The following CNIH3 variants were observed in gnomAD, a reference collection of about 807,000 sequenced individuals.
CNIH3 encodes the protein cornichon family AMPA receptor auxiliary protein 3.
In CNIH3, 14 loss-of-function variants were observed where a neutral mutation model predicts 24.1. The ratio of observed to expected loss-of-function variants is 0.58; its 90% CI spans 0.38 to 0.91. The LOEUF is 0.91. CNIH3 is among the 40% of genes least tolerant of loss of function. The pLI, the probability that CNIH3 is intolerant of heterozygous loss-of-function variation, is 0.00. For missense variants in CNIH3, 178 were observed against 196.8 expected, an observed-to-expected ratio of 0.90 and a Z score of 0.57; for synonymous variants, 68 against 73.8, an observed-to-expected ratio of 0.92 and a Z score of 0.40.
intron 2 of CNIH3, among the ~76,000 whole-genome samples, chr1:224,522,305 G>T (rs1396835652): frequency 6.6e-6 from 1 of 152,204 alleles, no homozygotes; most frequent in Non-Finnish European, 1.5e-5. Context: ...TGGAAAAAAT[G>T]AGTTCTCTGT....
intron 1 of CNIH3, among the ~76,000 whole-genome samples, chr1:224,470,857 C>T (rs375814261): frequency 5.3e-5 from 8 of 151,982 alleles, no homozygotes; most frequent in African/African-American, 1.7e-4. Context: ...ATGGTGTACA[C>T]GAGCTATTTT....
chr1:224,435,161 C>T, intron 1 of CNIH3: 1 of 986,164 alleles, frequency 1.0e-6, no homozygotes, highest in Non-Finnish European at 1.2e-6. Context: ...CGCGGAGGGA[C>T]TGCACCTTCT....
intron 3 of CNIH3, among the ~76,000 whole-genome samples, chr1:224,708,896 C>G (rs1019063960): frequency 6.6e-6 from 1 of 152,172 alleles, no homozygotes; most frequent in Non-Finnish European, 1.5e-5. Flanking sequence ...TCATTTGACT[C>G]ATTTAATATT....
At chr1:224,526,564 A>AT (rs1678855321) in intron 2 of CNIH3, among the ~76,000 whole-genome samples, 1 of 151,960 alleles carries the variant, frequency 6.6e-6, no homozygotes, top group South Asian at 2.1e-4. Flanking sequence ...TTATTTATTT[A>AT]TTTTTTGCAA....
intron 2 of CNIH3, among the ~76,000 whole-genome samples, chr1:224,532,109 A>G (rs1282204078): frequency 6.6e-6 from 1 of 152,178 alleles, no homozygotes; most frequent in Non-Finnish European, 1.5e-5. Context: ...AAGACAAAAT[A>G]GAGGAGGGTA....
chr1:224,646,075 A>G (rs2125098555), intron 1 of CNIH3, among the ~76,000 whole-genome samples: 2 of 152,328 alleles, frequency 1.3e-5, no homozygotes, highest in South Asian at 4.1e-4. Context: ...TATGTGTTAT[A>G]AAGAGTTAGA....
intron 4 of CNIH3, among the ~76,000 whole-genome samples, chr1:224,576,359 C>G (rs927885994): frequency 6.6e-6 from 1 of 152,116 alleles, no homozygotes; most frequent in East Asian, 1.9e-4. Flanking sequence ...ATAGTAAAAG[C>G]GAAGAGCTTG....
At chr1:224,680,789 C>G (rs967105137) in intron 1 of CNIH3, among the ~76,000 whole-genome samples, 169 bp from the exon 2 acceptor site, 9 of 152,132 alleles carry the variant, frequency 5.9e-5, no homozygotes, top group African/African-American at 2.2e-4. Context: ...TATAATCAAC[C>G]CCATGTGCTT....
At chr1:224,463,512 G>A (rs908573212) in intron 1 of CNIH3, among the ~76,000 whole-genome samples, 2 of 150,722 alleles carry the variant, frequency 1.3e-5, no homozygotes, top group Non-Finnish European at 3.0e-5. Flanking sequence ...AGGTTCAAGC[G>A]ATGCTTTTGC....
chr1:224,624,732 T>C (rs1204049167), intron 1 of CNIH3, among the ~76,000 whole-genome samples: 1 of 152,214 alleles, frequency 6.6e-6, no homozygotes, highest in African/African-American at 2.4e-5. Flanking sequence ...GATCCTTCCA[T>C]GTTATTCCCA....
chr1:224,696,656 G>C (rs1029110171), intron 3 of CNIH3, among the ~76,000 whole-genome samples: 2 of 152,196 alleles, frequency 1.3e-5, no homozygotes, highest in African/African-American at 4.8e-5. Context: ...GCTGGCTGTT[G>C]GCTTTGATGG....
chr1:224,535,063 A>G (rs712076), intron 2 of CNIH3, among the ~76,000 whole-genome samples: 35,858 of 152,114 alleles, frequency 0.24, 4,839 homozygotes, highest in African/African-American at 0.35. Context: ...GATATGTTGA[A>G]GTCCTAACCC....
At position 224,584,783 on chromosome 1, in the gene CNIH3, T is replaced by C. The variant is rs115254355; in HGVS notation, n.620+1516T>C. 1.3e-4 allele frequency among the ~76,000 whole-genome samples: 20 copies of C among 152,354 alleles called. 1 individual carries two copies. The highest frequency in any genetic ancestry group is 7.7e-4 in the East Asian group (4 of 5,188). ...TTCCAGTTTGTGGCCTAGTTGACTA[T>C]GTAGTGTTTTCCCCAGACTTAGTGT... is the stretch of plus-strand genomic sequence containing the variant. On this transcript the variant is annotated intron_variant and non_coding_transcript_variant, in intron 5 of 5. Coordinates refer to the CNIH3 transcript ENST00000471578.
intron 1 of CNIH3, among the ~76,000 whole-genome samples, chr1:224,628,115 C>A (rs1000876256): frequency 1.3e-5 from 2 of 151,976 alleles, no homozygotes; most frequent in Non-Finnish European, 2.9e-5. Context: ...CTTAGCCCAC[C>A]CTGTCAAGTT....
At chr1:224,615,295 A>G (rs1682903039), upstream of CNIH3, 1 of 151,614 alleles carries the variant, frequency 6.6e-6, no homozygotes, top group Non-Finnish European at 1.5e-5. Context: ...CTTTCAGGGT[A>G]TTTTTCCTTG....
intron 1 of CNIH3, among the ~76,000 whole-genome samples, chr1:224,508,033 C>T (rs1046551612): frequency 1.3e-5 from 2 of 152,188 alleles, no homozygotes; most frequent in South Asian, 4.1e-4. Context: ...GGCCATCTGC[C>T]ATGCCAGAGT....
chr1:224,526,964 A>G (rs1003444853), intron 2 of CNIH3, among the ~76,000 whole-genome samples: 2 of 152,190 alleles, frequency 1.3e-5, no homozygotes, highest in Non-Finnish European at 2.9e-5. Flanking sequence ...ACGAGGAAGC[A>G]CTAAGCCATT....
chr1:224,648,822 A>G (rs1684739455), intron 1 of CNIH3, among the ~76,000 whole-genome samples: 1 of 152,208 alleles, frequency 6.6e-6, no homozygotes, highest in South Asian at 2.1e-4. Flanking sequence ...CCTTCCTGGT[A>G]GGACAAGAGC....
chr1:224,670,769 C>G (rs1037632647), intron 1 of CNIH3, among the ~76,000 whole-genome samples: 5 of 152,206 alleles, frequency 3.3e-5, no homozygotes, highest in Non-Finnish European at 7.3e-5. Context: ...CCCACCAAGC[C>G]CCACTGGCCA....
Sources: allele counts gnomAD v4.1 joint callset (sites outside exome capture counted in the v4.1 genomes callset), GRCh38; gene constraint gnomAD v4.1.1; transcripts MANE v1.5; gene names NCBI Gene and HGNC (gene_info 2026-07-23, HGNC 2026-07-21).